PDE4C: variants seen among roughly 807,000 people sequenced by gnomAD.
PDE4C encodes the protein 3',5'-cyclic-AMP phosphodiesterase 4C.
Under a neutral mutation model 63.9 loss-of-function variants are expected in PDE4C, and 50 were observed. The ratio of observed to expected loss-of-function variants is 0.78; its 90% CI spans 0.62 to 0.99. The LOEUF is 0.99. Among genes scored for constraint, PDE4C ranks in the 50% least tolerant of loss-of-function variants. The probability of loss-of-function intolerance (pLI) is 0.00; values close to 1 mark genes in which losing one functional copy is unlikely to be tolerated. For synonymous variants in PDE4C, 377 were observed against 385.1 expected (o/e 0.98, Z 0.25); for missense variants, 777 against 899.1 (o/e 0.86, Z 1.74).
At chr19:18,244,217 G>C (rs1346398280) in intron 1 of PDE4C, among the ~76,000 whole-genome samples, 1 of 151,948 alleles carries the variant, frequency 6.6e-6, no homozygotes, top group Admixed American at 6.6e-5. Context: ...GCTGGGATGG[G>C]GATGGAGGGC....
chr19:18,222,590 G>A (rs1005697954), intron 1 of PDE4C, among the ~76,000 whole-genome samples: 1 of 148,786 alleles, frequency 6.7e-6, no homozygotes, highest in African/African-American at 2.5e-5. Flanking sequence ...GACTTTCTCT[G>A]GACCTCAATC....
intron 1 of PDE4C, chr19:18,232,799 A>C: frequency 1.1e-6 from 1 of 930,748 alleles, no homozygotes; most frequent in South Asian, 2.0e-5. Context: ...CTCCACCCCT[A>C]CGTAGAAATA....
At chr19:18,241,902 T>C (rs1165695160) in intron 1 of PDE4C, among the ~76,000 whole-genome samples, 2 of 152,186 alleles carry the variant, frequency 1.3e-5, no homozygotes, top group Admixed American at 6.6e-5. Flanking sequence ...GAGAACTCCC[T>C]GCACACATTC....
rs549703345 is a variant in PDE4C, at chr19:18,239,947, A to AC, written c.-209-6548dup. On this transcript the variant is annotated intron_variant, in intron 1 of 15. Coordinates refer to the PDE4C transcript ENST00000594617. ...ACGCTGAGGAAGCAGAATTGCTTGA[A>AC]CCCAGGGGGTAGAGGTTGCAGTGGA... Among the ~76,000 whole-genome samples the AC allele has an allele frequency of 1.1e-3, 166 of 151,832 alleles. 1 individual carries two copies. The highest frequency in any genetic ancestry group is 3.8e-3 in the African/African-American group (157 of 41,456).
At chr19:18,216,741 C>T in exon 12 of PDE4C, 1 of 1,604,112 alleles carries the variant, frequency 6.2e-7, no homozygotes, top group Non-Finnish European at 8.5e-7. Flanking sequence ...CTGGCCTCAC[C>T]ATGTCAATGA....
intron 1 of PDE4C, among the ~76,000 whole-genome samples, chr19:18,222,598 A>G (rs577262230): frequency 0.015 from 2,155 of 143,178 alleles, 19 homozygotes; most frequent in Non-Finnish European, 0.02. Context: ...CTGGACCTCA[A>G]TCACCCTATT....
chr19:18,244,614 G>A (rs1895052763), intron 1 of PDE4C, among the ~76,000 whole-genome samples: 1 of 152,182 alleles, frequency 6.6e-6, no homozygotes, highest in Admixed American at 6.5e-5. Flanking sequence ...CTGGGTTCAA[G>A]CGATCCTTCT....
rs888202506 is a variant in PDE4C, at chr19:18,220,149, G to T, written c.706+77C>A. On this transcript the variant is annotated intron_variant, in intron 7 of 14. Transcript: ENST00000262805. The surrounding 1 kb of genome is among the most constrained non-coding windows in gnomAD (Gnocchi z 5.1). ...TCTGGCTGTATCTCCCCCAGACTGA[G>T]GTCTATCATAGGAATCTTTCTTTTG... The T allele has an allele frequency of 3.5e-6, 4 of 1,151,156 alleles. No homozygotes were observed. The African/African-American group carries it at 4.5e-5, about 13-fold the overall frequency. The allele number at this position is 1,151,156 out of a possible 1,614,324, so 71.3% of individuals were successfully genotyped here. A position where few individuals can be genotyped will look rare whatever the true frequency, so the allele number is the denominator to read the frequency against.
chr19:18,216,263 T>C, intron 12 of PDE4C, among the ~76,000 whole-genome samples: 2 of 145,146 alleles, frequency 1.4e-5, no homozygotes, highest in Non-Finnish European at 3.1e-5. Flanking sequence ...ACTAGCCCCT[T>C]TTTTTTTTTT....
At position 18,220,988 on chromosome 19, in the gene PDE4C, G is replaced by GC; in HGVS notation, c.450-66dup. On this transcript the variant is annotated intron_variant, in intron 4 of 14. Coordinates refer to ENST00000262805, the Ensembl canonical transcript of PDE4C. The surrounding 1 kb of genome is among the most constrained non-coding windows in gnomAD (Gnocchi z 5.1). ...CTCGCCCCGCCCCCAAGTCCACCAGGCCCCGCCCCTCAAACCCACCTGGAG... is the reference window on the plus strand; with the variant it reads ...CTCGCCCCGCCCCCAAGTCCACCAGGCCCCCGCCCCTCAAACCCACCTGGAG... 2 of 1,552,308 alleles carry GC rather than the reference G, an allele frequency of 1.3e-6. No homozygotes were observed.
the PDE4C span, chr19:18,255,127 A>AG: frequency 2.5e-6 from 1 of 395,964 alleles, no homozygotes; most frequent in African/African-American, 2.1e-5. The surrounding 1 kb of genome is among the most constrained non-coding windows in gnomAD (Gnocchi z 4.6). Flanking sequence ...GGCCTGAGGG[A>AG]GGGGTCCAGA....
intron 1 of PDE4C, among the ~76,000 whole-genome samples, chr19:18,241,488 C>G (rs866955266): frequency 1.3e-5 from 2 of 151,834 alleles, no homozygotes; most frequent in Non-Finnish European, 2.9e-5. Context: ...GGGATGGTCT[C>G]GATCTCCTGA....
exon 15 of PDE4C, chr19:18,211,004 C>T: frequency 6.2e-7 from 1 of 1,614,216 alleles, no homozygotes; most frequent in African/African-American, 1.3e-5. Flanking sequence ...CAGTGTCAGG[C>T]AACTCCAAGG....
chr19:18,229,763 C>T (rs1478674788), upstream of PDE4C, among the ~76,000 whole-genome samples: 1 of 152,022 alleles, frequency 6.6e-6, no homozygotes, highest in African/African-American at 2.4e-5. Context: ...GGGGCCAGGT[C>T]ACATGTGTAG....
chr19:18,233,325 G>A (rs1239283612), exon 1 of PDE4C: 10 of 1,262,460 alleles, frequency 7.9e-6, no homozygotes, highest in Non-Finnish European at 1.1e-5. Flanking sequence ...CGCGCCGGAG[G>A]TGCTGAAGCG....
Position 18,220,445 on chromosome 19 carries a change from C to A in PDE4C, c.570G>T (p.Thr190=). 1.9e-6 allele frequency: 3 copies of A among 1,614,180 alleles called. No individual in the cohort carries two copies. The highest frequency in any genetic ancestry group is 2.5e-6 in the Non-Finnish European group (3 of 1,180,014). ...CCCCCACCGAGTGCCGGGTCTGCAG[C>A]GTCTCCAACTGATCCAGGCACCAGT... The change falls in exon 6 of 15, where the codon ACG becomes ACT. Residue 190 remains threonine, a synonymous_variant. Coordinates refer to ENST00000262805, the Ensembl canonical transcript of PDE4C. This position sits in a 1 kb window ranked among gnomAD's most constrained non-coding sequence, Gnocchi z 5.1.
Position 18,220,313 on chromosome 19 carries a change from G to T in PDE4C, c.619C>A (p.Arg207=), listed in dbSNP as rs371813010. 101 of 1,613,880 alleles carry T rather than the reference G, an allele frequency of 6.3e-5. No individual in the cohort carries two copies. The highest frequency in any genetic ancestry group is 1.6e-4 in the Middle Eastern group (1 of 6,078). ...TGGGTCAACTCCCGGTTCAGGATCC[G>T]CTTGAACTGGGGCGGAGAGAAGGTG... Residue 207 remains arginine (R), a synonymous_variant, in exon 7 of 15, where the codon CGG becomes AGG. Transcript: ENST00000262805. This position sits in a 1 kb window ranked among gnomAD's most constrained non-coding sequence, Gnocchi z 5.1.
At chr19:18,223,670 G>A (rs1968595062) in intron 1 of PDE4C, among the ~76,000 whole-genome samples, 1 of 152,220 alleles carries the variant, frequency 6.6e-6, no homozygotes. Flanking sequence ...TGTGCGTGAT[G>A]TAGCCCATCC....
chr19:18,210,996 G>C lies in PDE4C; in HGVS notation c.1976C>G (p.Thr659Ser), dbSNP rs948840153. ...GCCGGCTTCAGGGGACAGGAGTTCA[G>C]TGTCAGGCAACTCCAAGGCCTCTTT... Residue 659 changes from threonine (T) to serine (S), a missense_variant, in exon 15 of 15, where the codon ACT (threonine) becomes AGT (serine). By Grantham distance (58) the Thr-to-Ser change is moderately conservative. This residue lies in a region of PDE4C where 500 missense variants were observed against 597.8 expected (regional missense o/e 0.84). Coordinates refer to ENST00000262805, the Ensembl canonical transcript of PDE4C. The C allele has an allele frequency of 5.6e-6, 9 of 1,614,100 alleles. No individual in the cohort carries two copies. The Admixed American group carries it at 1.2e-4, about 21-fold the overall frequency.
Sources: gnomAD v4.1 joint callset for allele counts (sites outside exome capture counted in the v4.1 genomes callset) on GRCh38, gnomAD v4.1.1 for gene constraint, gnomAD v4.1.1 regional missense constraint, Gnocchi (gnomAD v3.1) non-coding constraint, MANE v1.5 for transcripts, NCBI Gene and HGNC (gene_info 2026-07-23, HGNC 2026-07-21) for gene names.